Variants in ZNF521 observed in about 807,000 individuals in gnomAD.
ZNF521 encodes the protein LYST-interacting protein 3.
In ZNF521, 14 loss-of-function variants were observed where a neutral mutation model predicts 105.5. That is an observed-to-expected ratio of 0.13 (90% CI 0.09 to 0.21). ZNF521 has a LOEUF of 0.21. Ranked by LOEUF, ZNF521 falls within the 10% of genes least tolerant of loss-of-function variation. ZNF521 has a pLI of 1.00. For synonymous variants in ZNF521, 635 were observed against 606.0 expected, an observed-to-expected ratio of 1.05 and a Z score of -0.70; for missense variants, 1,233 against 1,629.7, an observed-to-expected ratio of 0.76 and a Z score of 4.19.
chr18:25,276,586 C>T (rs1568050434), intron 3 of ZNF521, among the ~76,000 whole-genome samples: 1 of 152,228 alleles, frequency 6.6e-6, no homozygotes, highest in Non-Finnish European at 1.5e-5. Flanking sequence ...GGGGTCCCAC[C>T]TCCCTGAACA....
chr18:25,188,420 C>A (rs967327513), intron 5 of ZNF521, among the ~76,000 whole-genome samples: 2 of 152,128 alleles, frequency 1.3e-5, no homozygotes, highest in Admixed American at 6.5e-5. Flanking sequence ...TCATCAGAGA[C>A]CTTTTCCTTT....
chr18:25,297,383 CA>C (rs1313472272), intron 3 of ZNF521, among the ~76,000 whole-genome samples: 3 of 152,116 alleles, frequency 2.0e-5, no homozygotes, highest in African/African-American at 7.2e-5. Context: ...AATCAATTCA[CA>C]ATATTCAAGT....
intron 3 of ZNF521, among the ~76,000 whole-genome samples, chr18:25,281,696 C>T (rs774037740): frequency 5.3e-5 from 8 of 152,178 alleles, no homozygotes; most frequent in African/African-American, 1.2e-4. Context: ...CCCCAAATCA[C>T]GTGACTATTA....
At chr18:25,186,928 GAA>G (rs2035734003) in intron 5 of ZNF521, among the ~76,000 whole-genome samples, 1 of 143,536 alleles carries the variant, frequency 7.0e-6, no homozygotes, top group Non-Finnish European at 1.5e-5. Flanking sequence ...AAAAGAAAAA[GAA>G]AGAAAAAGAA....
At chr18:25,083,931 A>ATTTTTTTTTTTTTTTTTTTTT (rs56364504) in intron 7 of ZNF521, among the ~76,000 whole-genome samples, 1 of 57,864 alleles carries the variant, frequency 1.7e-5, no homozygotes. Flanking sequence ...AACCTGGGTA[A>ATTTTTTTTTTTTTTTTTTTTT]TTTTTTTTTT....
At chr18:25,210,330 T>C (rs1016797722) in intron 4 of ZNF521, among the ~76,000 whole-genome samples, 15 of 152,194 alleles carry the variant, frequency 9.9e-5, no homozygotes, top group Admixed American at 3.3e-4. Flanking sequence ...TCATTTTTTT[T>C]CCCTAAGGAC....
Position 25,064,503 on chromosome 18 carries a change from G to A in ZNF521, c.3907-1762C>T, listed in dbSNP as rs188149117. 2.0e-3 allele frequency among the ~76,000 whole-genome samples: 309 copies of A among 152,332 alleles called. 4 individuals carry two copies. The highest frequency in any genetic ancestry group is 1.7e-3 in the Non-Finnish European group (118 of 68,022). On this transcript the variant is annotated intron_variant, in intron 7 of 7. Transcript: ENST00000361524. ...AGTGTTCTGAATCAACAGTACTCAC[G>A]AGACATGAAGATGGAGCTGGTTTGG...
chr18:25,098,632 C>T (rs2033902906), intron 5 of ZNF521, among the ~76,000 whole-genome samples: 1 of 152,002 alleles, frequency 6.6e-6, no homozygotes, highest in Non-Finnish European at 1.5e-5. Context: ...GGACTGAGAC[C>T]AACTAAGTCT....
At chr18:25,160,875 T>C (rs559532704) in intron 5 of ZNF521, among the ~76,000 whole-genome samples, 1 of 152,158 alleles carries the variant, frequency 6.6e-6, no homozygotes, top group South Asian at 2.1e-4. Context: ...TAATTCCAAA[T>C]AAAATTCAGC....
At chr18:25,239,023 CTCCTCTGTAA>C in intron 3 of ZNF521, among the ~76,000 whole-genome samples, 1 of 152,232 alleles carries the variant, frequency 6.6e-6, no homozygotes, top group East Asian at 1.9e-4. Flanking sequence ...CCCGTGTTTG[CTCCTCTGTAA>C]TGGAACATCA....
At chr18:25,063,000 G>A (rs986286481) in intron 7 of ZNF521, among the ~76,000 whole-genome samples, 1 of 152,172 alleles carries the variant, frequency 6.6e-6, no homozygotes, top group Middle Eastern at 3.2e-3. Flanking sequence ...TCACCCATGA[G>A]GGCCTGGAAG....
chr18:25,240,656 C>T (rs1667236249), intron 3 of ZNF521, among the ~76,000 whole-genome samples: 1 of 152,034 alleles, frequency 6.6e-6, no homozygotes, highest in African/African-American at 2.4e-5. Context: ...GCAATGATAG[C>T]CCTTGATTCT....
chr18:25,062,709 G>T lies in ZNF521; in HGVS notation c.*3C>A. The stretch of plus-strand genomic sequence containing the variant: ...CAATTCTCCTTGAGAGACTGTACTT[G>T]CACTAACTGCTGTGTTGGGTCATTG... On this transcript the variant is annotated 3_prime_UTR_variant, in exon 8 of 8. Coordinates refer to ENST00000361524, the MANE Select transcript of ZNF521 (RefSeq NM_015461.3). The T allele has an allele frequency of 7.3e-7, 1 of 1,364,312 alleles. No homozygotes were observed. Among genetic ancestry groups the T allele is most frequent in the Non-Finnish European group, 9.6e-7 (1 of 1,039,828 alleles). The allele number at this position is 1,364,312 out of a possible 1,614,324, so 84.5% of individuals were successfully genotyped here.
chr18:25,090,223 T>A (rs1286508346), intron 6 of ZNF521, among the ~76,000 whole-genome samples: 1 of 152,168 alleles, frequency 6.6e-6, no homozygotes, highest in Non-Finnish European at 1.5e-5. Context: ...AATAATTAAA[T>A]TGTATATGCC....
intron 5 of ZNF521, among the ~76,000 whole-genome samples, chr18:25,192,722 C>G (rs1222356396): frequency 6.6e-6 from 1 of 150,936 alleles, no homozygotes; most frequent in Non-Finnish European, 1.5e-5. Context: ...GATACACAAC[C>G]TAAAAATACC....
chr18:25,194,549 T>G (rs2035871590), intron 5 of ZNF521, among the ~76,000 whole-genome samples: 1 of 151,716 alleles, frequency 6.6e-6, no homozygotes, highest in Non-Finnish European at 1.5e-5. Context: ...AACAATGGCC[T>G]GGAGTAATTT....
chr18:25,201,053 T>C (rs1370604844), intron 4 of ZNF521: 1 of 151,654 alleles, frequency 6.6e-6, no homozygotes, highest in Non-Finnish European at 1.5e-5. Context: ...TTTTTTTTTC[T>C]ATGTGCTCAT....
chr18:25,344,018 C>T (rs1232526547), intron 2 of ZNF521, among the ~76,000 whole-genome samples: 2 of 152,054 alleles, frequency 1.3e-5, no homozygotes, highest in Non-Finnish European at 2.9e-5. Context: ...GGTCCCCAGG[C>T]AGCAGGATAA....
At chr18:25,099,459 A>G (rs1206303667) in intron 5 of ZNF521, among the ~76,000 whole-genome samples, 1 of 152,164 alleles carries the variant, frequency 6.6e-6, no homozygotes, top group East Asian at 1.9e-4. Flanking sequence ...TTGCCAACTT[A>G]TCCCTGGCAA....
Sources: allele counts gnomAD v4.1 joint callset (sites outside exome capture counted in the v4.1 genomes callset), GRCh38; gene constraint gnomAD v4.1.1; transcripts MANE v1.5; gene names NCBI Gene and HGNC (gene_info 2026-07-23, HGNC 2026-07-21).